The following KIF13B variants were observed in gnomAD, a reference collection of about 807,000 sequenced individuals.
The protein encoded by KIF13B is kinesin family member 13B, also known as kinesin-like protein KIF13B.
In KIF13B, 127 loss-of-function variants were observed where a neutral mutation model predicts 222.0. That is an observed-to-expected ratio of 0.57 (90% CI 0.50 to 0.66). KIF13B has a LOEUF of 0.66. Among genes scored for constraint, KIF13B ranks in the 30% least tolerant of loss-of-function variants. The probability of loss-of-function intolerance (pLI) is 0.00; values close to 1 mark genes in which losing one functional copy is unlikely to be tolerated. For synonymous variants in KIF13B, 976 were observed against 919.0 expected, an observed-to-expected ratio of 1.06 and a Z score of -1.12; for missense variants, 2,173 against 2,379.0, an observed-to-expected ratio of 0.91 and a Z score of 1.80.
At chr8:29,163,332 G>C (rs1010226951) in intron 12 of KIF13B, among the ~76,000 whole-genome samples, 1 of 152,230 alleles carries the variant, frequency 6.6e-6, no homozygotes, top group Non-Finnish European at 1.5e-5. Context: ...AGAGGCTGCA[G>C]AGAATTCTGT....
chr8:29,114,831 C>G (rs974897722), intron 31 of KIF13B, among the ~76,000 whole-genome samples: 3 of 152,126 alleles, frequency 2.0e-5, no homozygotes, highest in Non-Finnish European at 4.4e-5. Flanking sequence ...CCTGTAGGGC[C>G]GGTGGTTGTG....
In KIF13B at chr8:29,072,256, T is replaced by C. The variant is rs369401468; in HGVS notation, c.4582A>G (p.Ile1528Val). 41 of 1,469,450 alleles carry C rather than the reference T, an allele frequency of 2.8e-5. No individual in the cohort carries two copies. The African/African-American group carries it at 5.6e-4, about 20-fold the overall frequency. 91.0% of individuals were successfully genotyped at this position (1,469,450 alleles called of 1,614,324 possible). The part of the protein sequence containing the change: ...VQTMGAPALK[I>V]CDKPAKVPSP... ...GGCACTTTGGCAGGTTTGTCGCAGA[T>C]CTTCAAGGCCGGGGCCCCCATCGTC... Residue 1528 changes from isoleucine to valine, a missense_variant, in exon 39 of 40, where the codon ATC becomes GTC. Coordinates refer to ENST00000524189, the MANE Select transcript of KIF13B (RefSeq NM_015254.4).
chr8:29,255,037 A>G lies in KIF13B; in HGVS notation c.55+7943T>C, dbSNP rs1309666427. ...ATACCAAGTGAAAGAAGTGAGATAC[A>G]AAAGTCCACATAATATAGGATTCCA... On this transcript the variant is annotated intron_variant, in intron 1 of 39. Transcript: ENST00000524189. Among the ~76,000 whole-genome samples the G allele has an allele frequency of 2.6e-5, 4 of 152,260 alleles. No homozygotes were observed. The East Asian group carries it at 5.8e-4, about 22-fold the overall frequency.
At chr8:29,231,655 AATG>A (rs1388265214) in intron 2 of KIF13B, among the ~76,000 whole-genome samples, 23 of 152,324 alleles carry the variant, frequency 1.5e-4, no homozygotes, top group African/African-American at 4.1e-4. Flanking sequence ...AATAAAGAGC[AATG>A]ATAAGAACAG....
At chr8:29,157,392 CAAAAAAAAAAAA>C (rs371702237) in intron 13 of KIF13B, among the ~76,000 whole-genome samples, 8 of 89,160 alleles carry the variant, frequency 9.0e-5, no homozygotes, top group African/African-American at 2.6e-4. Context: ...TCGTCTCTAC[CAAAAAAAAAAAA>C]AAAAAAAAAA....
chr8:29,159,868 C>A (rs1218936693), intron 13 of KIF13B, among the ~76,000 whole-genome samples: 1 of 152,228 alleles, frequency 6.6e-6, no homozygotes, highest in East Asian at 1.9e-4. Context: ...TCTCTCCAGG[C>A]TTTTCTGAAA....
intron 4 of KIF13B, among the ~76,000 whole-genome samples, chr8:29,188,885 C>T (rs1194300141): frequency 6.6e-6 from 1 of 152,164 alleles, no homozygotes; most frequent in Non-Finnish European, 1.5e-5. Context: ...ACTTTATAAT[C>T]AATGATTATA....
chr8:29,158,321 C>T (rs555690204), intron 13 of KIF13B, among the ~76,000 whole-genome samples: 18 of 152,212 alleles, frequency 1.2e-4, no homozygotes, highest in African/African-American at 4.3e-4. Flanking sequence ...AATAAATGCA[C>T]AATCATTTCC....
chr8:29,213,931 G>T (rs1024578209), intron 2 of KIF13B, among the ~76,000 whole-genome samples: 1 of 152,084 alleles, frequency 6.6e-6, no homozygotes, highest in East Asian at 1.9e-4. Flanking sequence ...TCCAGTCTGG[G>T]AGACAGAGCA....
At chr8:29,185,143 T>C (rs1245178176) in intron 6 of KIF13B, among the ~76,000 whole-genome samples, 1 of 152,142 alleles carries the variant, frequency 6.6e-6, no homozygotes, top group Non-Finnish European at 1.5e-5. Flanking sequence ...ACTGAACTGC[T>C]GGATCATTCT....
At chr8:29,159,441 C>A (rs1021821709) in intron 13 of KIF13B, among the ~76,000 whole-genome samples, 4 of 152,160 alleles carry the variant, frequency 2.6e-5, no homozygotes, top group Non-Finnish European at 4.4e-5. Flanking sequence ...TGAGCCACCA[C>A]GCCCAGCCAA....
intron 18 of KIF13B, 72 bp downstream of exon 18, chr8:29,146,306 A>T (rs765399435): frequency 6.6e-7 from 1 of 1,516,210 alleles, no homozygotes. Flanking sequence ...CTGAAGCTTA[A>T]ATAACACCAG....
At chr8:29,183,168 GTTT>G (rs58034349) in intron 6 of KIF13B, among the ~76,000 whole-genome samples, 6 of 117,686 alleles carry the variant, frequency 5.1e-5, no homozygotes, top group African/African-American at 1.3e-4. Flanking sequence ...CTTAAAGTTT[GTTT>G]TTTTTTTTTT....
chr8:29,130,654 A>G lies in KIF13B; in HGVS notation c.2954T>C (p.Val985Ala), dbSNP rs755573729. 3.1e-6 allele frequency: 5 copies of G among 1,613,856 alleles called. No homozygotes were observed. Among genetic ancestry groups the G allele is most frequent in the Admixed American group, 3.3e-5 (2 of 59,994 alleles). Residue 985 changes from valine (V) to alanine (A), a missense_variant, in exon 24 of 40, where the codon GTG becomes GCG. By Grantham distance (64) the Val-to-Ala change is moderately conservative. Coordinates refer to ENST00000524189, the MANE Select transcript of KIF13B (RefSeq NM_015254.4). ...AACCCAGAATTCCAATTTCCTGGTCACTTCACTCCATCTAGGAAATAAGCG... is the reference window on the plus strand; with the variant it reads ...AACCCAGAATTCCAATTTCCTGGTCGCTTCACTCCATCTAGGAAATAAGCG... ...TRSLRDRWSE[V>A]TRKLEFWVQI...
At chr8:29,116,400 C>G (rs1056994788) in intron 31 of KIF13B, among the ~76,000 whole-genome samples, 4 of 151,978 alleles carry the variant, frequency 2.6e-5, no homozygotes, top group African/African-American at 9.7e-5. Context: ...GCCCAGGAGA[C>G]GATGGCTGCA....
At chr8:29,194,681 A>G (rs1043133873) in intron 3 of KIF13B, among the ~76,000 whole-genome samples, 1 of 152,194 alleles carries the variant, frequency 6.6e-6, no homozygotes, top group Non-Finnish European at 1.5e-5. Context: ...ACTTCCAGGC[A>G]AAGATTTCAT....
At chr8:29,252,366 C>A (rs115960512) in intron 1 of KIF13B, among the ~76,000 whole-genome samples, 1,716 of 152,320 alleles carry the variant, frequency 0.011, 27 homozygotes, top group African/African-American at 0.038. Flanking sequence ...CATGTTCCAT[C>A]TGGGGAAATG....
chr8:29,140,789 T>G (rs1015368371), intron 19 of KIF13B, 172 bp from the exon 20 acceptor site: 29 of 580,204 alleles, frequency 5.0e-5, no homozygotes, highest in Non-Finnish European at 7.5e-5. Context: ...AGCGCTGTAT[T>G]ACTCCCATAC....
At chr8:29,203,238 T>C (rs1813777399) in intron 2 of KIF13B, among the ~76,000 whole-genome samples, 1 of 152,224 alleles carries the variant, frequency 6.6e-6, no homozygotes, top group Non-Finnish European at 1.5e-5. Flanking sequence ...TCCAACTACA[T>C]CTTTTACTGG....
Sources: gnomAD v4.1 joint callset for allele counts (sites outside exome capture counted in the v4.1 genomes callset) on GRCh38, gnomAD v4.1.1 for gene constraint, MANE v1.5 for transcripts, NCBI Gene and HGNC (gene_info 2026-07-23, HGNC 2026-07-21) for gene names.